The following NYNRIN variants were observed in gnomAD, a reference collection of about 807,000 sequenced individuals.
The protein encoded by NYNRIN is protein NYNRIN.
Under a neutral mutation model 146.6 loss-of-function variants are expected in NYNRIN, and 86 were observed. The ratio of observed to expected loss-of-function variants is 0.59; its 90% CI spans 0.49 to 0.70. The LOEUF is 0.70. Among genes scored for constraint, NYNRIN ranks in the 30% least tolerant of loss-of-function variants. The pLI, the probability that NYNRIN is intolerant of heterozygous loss-of-function variation, is 0.00. For missense variants in NYNRIN, 2,191 were observed against 2,377.7 expected (o/e 0.92, Z 1.63); for synonymous variants, 1,027 against 1,001.3 (o/e 1.03, Z -0.48).
In NYNRIN at chr14:24,417,059, G is replaced by C. The variant is rs534007372; in HGVS notation, c.5310G>C (p.Glu1770Asp). Residue 1770 changes from glutamate (E) to aspartate (D), a missense_variant, in exon 9 of 9, where the codon GAG (glutamate) becomes GAC (aspartate). Glu to Asp is a conservative substitution (Grantham distance 45). Coordinates refer to ENST00000382554, the MANE Select transcript of NYNRIN (RefSeq NM_025081.3). ...VLTGGESRLT[E>D]PLWWEMSSAN... ...CCGGGGGTGAGTCAAGGCTCACGGA[G>C]CCCCTGTGGTGGGAGATGAGCAGCG... The C allele has an allele frequency of 6.2e-7, 1 of 1,612,540 alleles. No homozygotes were observed. Among genetic ancestry groups the C allele is most frequent in the Non-Finnish European group, 8.5e-7 (1 of 1,178,966 alleles).
chr14:24,399,612 T>A (rs2139339531), intron 2 of NYNRIN, among the ~76,000 whole-genome samples, 168 bp downstream of exon 2: 1 of 152,288 alleles, frequency 6.6e-6, no homozygotes, highest in Middle Eastern at 3.4e-3. Flanking sequence ...CAGATCAGCC[T>A]GCGCTCCTTC....
intron 4 of NYNRIN, 36 bp downstream of exon 4, chr14:24,410,244 C>A: frequency 6.6e-7 from 1 of 1,511,292 alleles, no homozygotes; most frequent in South Asian, 1.3e-5. Context: ...GCTGGGGATG[C>A]TGTGGACCTG....
intron 8 of NYNRIN, among the ~76,000 whole-genome samples, chr14:24,414,006 C>A (rs973767676): frequency 7.2e-5 from 11 of 152,206 alleles, no homozygotes; most frequent in African/African-American, 2.7e-4. Flanking sequence ...GTGACTTTTC[C>A]AAGGTCACAT....
rs200203446 is a variant in NYNRIN, at chr14:24,408,566, C to G, written c.857+39C>G. On this transcript the variant is annotated intron_variant, in intron 3 of 8. Coordinates refer to ENST00000382554, the MANE Select transcript of NYNRIN (RefSeq NM_025081.3). The stretch of plus-strand genomic sequence containing the variant: ...AATGAGCCTGGCTTCTCTGATCCTA[C>G]CCCTGCTCCCCTACCCTAAGGAAAT... 2.0e-4 allele frequency: 315 copies of G among 1,537,926 alleles called. No individual in the cohort carries two copies. In the African/African-American group the frequency reaches 4.0e-3, roughly 19 times the overall value.
In NYNRIN at chr14:24,408,912, A is replaced by T; in HGVS notation, c.1118A>T (p.Glu373Val). ...GCTGCAACCTTCTGGAGGATCAATG[A>T]GCTGCATTCTCTACATCTGGCCTGG... ...AIAATFWRINELHSLHLAWLL... is the reference protein window; with the variant it reads ...AIAATFWRINVLHSLHLAWLL... The change falls in exon 4 of 9, where the codon GAG (glutamate) becomes GTG (valine). Residue 373 changes from glutamate (E) to valine (V), a missense_variant. By Grantham distance (121) the Glu-to-Val change is moderately radical (BLOSUM62 -2). Coordinates refer to ENST00000382554, the MANE Select transcript of NYNRIN (RefSeq NM_025081.3). 6.2e-7 allele frequency: 1 copy of T among 1,614,004 alleles called. No individual in the cohort carries two copies. The highest frequency in any genetic ancestry group is 1.6e-4 in the Middle Eastern group (1 of 6,062).
chr14:24,413,169 AT>A, intron 7 of NYNRIN, 71 bp downstream of exon 7: 1 of 1,353,344 alleles, frequency 7.4e-7, no homozygotes, highest in Non-Finnish European at 1.0e-6. Flanking sequence ...CATGGGAGGG[AT>A]TAGGGCTGGA....
rs762266975 is a variant in NYNRIN, at chr14:24,415,399, A to G, written c.3650A>G (p.Lys1217Arg). The G allele has an allele frequency of 6.2e-7, 1 of 1,613,982 alleles. No homozygotes were observed. Among genetic ancestry groups the G allele is most frequent in the Non-Finnish European group, 8.5e-7 (1 of 1,179,870 alleles). Residue 1217 changes from lysine to arginine, a missense_variant, in exon 9 of 9, where the codon AAG becomes AGG. By Grantham distance (26) the Lys-to-Arg change is conservative (BLOSUM62 2). This residue lies in a region of NYNRIN where 1,291 missense variants were observed against 1,417.0 expected (regional missense o/e 0.91). Transcript: ENST00000382554. The stretch of plus-strand genomic sequence containing the variant: ...CCCTATGCTGTGGCCTGGGCCCTCA[A>G]GCATTTTTCCCGCTGCATTGGAGAC... The part of the protein sequence containing the change: ...DSPYAVAWAL[K>R]HFSRCIGDTP...
Position 24,415,472 on chromosome 14 carries a change from C to T in NYNRIN, c.3723C>T (p.Asp1241=), listed in dbSNP as rs199919534. 2.2e-4 allele frequency: 363 copies of T among 1,613,912 alleles called. No individual in the cohort carries two copies. The African/African-American group carries it at 4.4e-3, about 19-fold the overall frequency. The part of the protein sequence containing the change: ...DLSYASRTTA[D]PEVREGRRVS... The stretch of plus-strand genomic sequence containing the variant: ...CCTATGCCTCCCGGACCACTGCGGA[C>T]CCTGAGGTGCGGGAGGGCCGCAGGG... Residue 1241 remains aspartate, a synonymous_variant, in exon 9 of 9, where the codon GAC becomes GAT. Coordinates refer to ENST00000382554, the MANE Select transcript of NYNRIN (RefSeq NM_025081.3).
chr14:24,410,889 G>A (rs926906920), intron 4 of NYNRIN, among the ~76,000 whole-genome samples, 187 bp from the exon 5 acceptor site: 6 of 152,072 alleles, frequency 3.9e-5, no homozygotes, highest in South Asian at 2.1e-4. Flanking sequence ...ACATGCACGC[G>A]CACACACACA....
chr14:24,406,201 A>AAAATAAAATAAAAT (rs2042873951), intron 2 of NYNRIN, among the ~76,000 whole-genome samples: 1 of 127,860 alleles, frequency 7.8e-6, no homozygotes, highest in African/African-American at 2.9e-5. Flanking sequence ...CTCTGCCTCA[A>AAAATAAAATAAAAT]AAAATAAAAT....
At position 24,414,666 on chromosome 14, in the gene NYNRIN, G is replaced by C; in HGVS notation, c.2917G>C (p.Glu973Gln). 1 of 1,613,758 alleles carries C rather than the reference G, an allele frequency of 6.2e-7. No homozygotes were observed. The highest frequency in any genetic ancestry group is 8.5e-7 in the Non-Finnish European group (1 of 1,179,796). Residue 973 changes from glutamate (E) to glutamine (Q), a missense_variant, in exon 9 of 9, where the codon GAG becomes CAG. Physicochemically the swap from Glu to Gln is conservative, Grantham distance 29. Coordinates refer to ENST00000382554, the MANE Select transcript of NYNRIN (RefSeq NM_025081.3). ...TCCTCCCAGCTCAGCCAGTGTCACT[G>C]AGCTGAGTGATGACGCTGACTCTGG... ...TLPPSSASVT[E>Q]LSDDADSGPL...
At chr14:24,407,163 G>A (rs566142402) in intron 2 of NYNRIN, among the ~76,000 whole-genome samples, 2 of 152,284 alleles carry the variant, frequency 1.3e-5, no homozygotes, top group Non-Finnish European at 2.9e-5. Flanking sequence ...CAGAGGAGGT[G>A]GAAAAATTTC....
At chr14:24,403,378 C>T (rs1202970620) in intron 2 of NYNRIN, among the ~76,000 whole-genome samples, 2 of 152,232 alleles carry the variant, frequency 1.3e-5, no homozygotes, top group Non-Finnish European at 2.9e-5. Context: ...GGCGCCGTCT[C>T]TCCTGTCTGG....
At chr14:24,401,566 A>G (rs538487383) in intron 2 of NYNRIN, among the ~76,000 whole-genome samples, 8 of 152,174 alleles carry the variant, frequency 5.3e-5, no homozygotes, top group East Asian at 3.9e-4. Context: ...CCTGTTAACT[A>G]TCTGAACTGG....
At position 24,416,897 on chromosome 14, in the gene NYNRIN, A is replaced by T. The variant is rs1207953583; in HGVS notation, c.5148A>T (p.Ser1716=). 6.2e-7 allele frequency: 1 copy of T among 1,605,866 alleles called. No individual in the cohort carries two copies. The highest frequency in any genetic ancestry group is 1.7e-5 in the Admixed American group (1 of 59,242). The change falls in exon 9 of 9, where the codon TCA becomes TCT. Residue 1716 remains serine, a synonymous_variant. Coordinates refer to ENST00000382554, the MANE Select transcript of NYNRIN (RefSeq NM_025081.3). ...RDLQFPCLTS[S]GAYWEFKRAL... is the part of the protein sequence containing the mutation. ...TCCAGTTCCCCTGCCTGACGAGCTCAGGGGCCTACTGGGAATTCAAGAGGG... is the reference window on the plus strand; with the variant it reads ...TCCAGTTCCCCTGCCTGACGAGCTCTGGGGCCTACTGGGAATTCAAGAGGG...
In NYNRIN at chr14:24,417,557, T is replaced by G. The variant is rs1264333863; in HGVS notation, c.*111T>G. 3.7e-6 allele frequency: 5 copies of G among 1,347,254 alleles called. No homozygotes were observed. The highest frequency in any genetic ancestry group is 4.8e-6 in the Non-Finnish European group (5 of 1,040,346). 83.5% of individuals were successfully genotyped at this position (1,347,254 alleles called of 1,614,324 possible). On this transcript the variant is annotated 3_prime_UTR_variant, in exon 9 of 9. Transcript: ENST00000382554. ...ACTGGGGGCCCTCAGTTGTGCCTTTTGTAGAGAACTTGCTTCATAAAGCTT... is the reference window on the plus strand; with the variant it reads ...ACTGGGGGCCCTCAGTTGTGCCTTTGGTAGAGAACTTGCTTCATAAAGCTT...
In NYNRIN at chr14:24,399,091, GT is replaced by G; in HGVS notation, c.-18+6del. 1 of 676,122 alleles carries G rather than the reference GT, an allele frequency of 1.5e-6. No homozygotes were observed. The highest frequency in any genetic ancestry group is 2.4e-6 in the Non-Finnish European group (1 of 419,996). The allele number at this position is 676,122 out of a possible 1,614,324, so 41.9% of individuals were successfully genotyped here. ...CGGGCGCCCGAGCCGTGCGGGGTGG[GT>G]CCCGCCGCCTGGAGGAAGGAGGCCG... On this transcript the variant is annotated splice_donor_region_variant and intron_variant, in intron 1 of 8. Coordinates refer to ENST00000382554, the MANE Select transcript of NYNRIN (RefSeq NM_025081.3).
chr14:24,403,138 G>GCCTT (rs2042855377), intron 2 of NYNRIN, among the ~76,000 whole-genome samples: 1 of 152,152 alleles, frequency 6.6e-6, no homozygotes, highest in African/African-American at 2.4e-5. Flanking sequence ...GCCTCATTAT[G>GCCTT]CCTTGCACAT....
In NYNRIN at chr14:24,410,137, G is replaced by A; in HGVS notation, c.2343G>A (p.Leu781=). 6.2e-7 allele frequency: 1 copy of A among 1,613,588 alleles called. No individual in the cohort carries two copies. The highest frequency in any genetic ancestry group is 1.1e-5 in the South Asian group (1 of 91,076). ...YHEALNTPFE[L]NLSGEPGNQG... Reference sequence around the variant, plus strand: ...AGGCCCTGAATACACCCTTCGAGCTGAACCTGTCAGGGGAACCTGGAAACC... The same window carrying A: ...AGGCCCTGAATACACCCTTCGAGCTAAACCTGTCAGGGGAACCTGGAAACC... The change falls in exon 4 of 9, where the codon CTG becomes CTA. Residue 781 remains leucine, a synonymous_variant. Transcript: ENST00000382554.
Sources: allele counts gnomAD v4.1 joint callset (sites outside exome capture counted in the v4.1 genomes callset), GRCh38; gene constraint gnomAD v4.1.1; regional missense constraint gnomAD v4.1.1; transcripts MANE v1.5; gene names NCBI Gene and HGNC (gene_info 2026-07-23, HGNC 2026-07-21).